The following PTPRT variants were observed in gnomAD, a reference collection of about 807,000 sequenced individuals.
The protein encoded by PTPRT is receptor-type tyrosine-protein phosphatase T.
PTPRT carries 56 observed loss-of-function variants against 176.8 expected under a neutral mutation model. That is an observed-to-expected ratio of 0.32 (90% confidence interval 0.26 to 0.40). The LOEUF is 0.40. PTPRT is among the 10% of genes least tolerant of loss of function. The pLI, the probability that PTPRT is intolerant of heterozygous loss-of-function variation, is 1.00. For missense variants in PTPRT, 1,540 were observed against 1,908.2 expected (o/e 0.81, Z 3.60); for synonymous variants, 783 against 739.0 (o/e 1.06, Z -0.96).
At chr20:42,388,948 A>G (rs1374943282) in intron 9 of PTPRT, among the ~76,000 whole-genome samples, 1 of 152,230 alleles carries the variant, frequency 6.6e-6, no homozygotes, top group African/African-American at 2.4e-5. Context: ...ATGCAGCCAT[A>G]AGAAATGATG....
At chr20:42,738,132 T>C (rs1456045020) in intron 6 of PTPRT, among the ~76,000 whole-genome samples, 2 of 152,174 alleles carry the variant, frequency 1.3e-5, no homozygotes, top group East Asian at 3.9e-4. Context: ...TGAATACAAG[T>C]CATCCTGTGA....
At chr20:42,368,035 C>T (rs2058538848) in intron 9 of PTPRT, among the ~76,000 whole-genome samples, 1 of 152,110 alleles carries the variant, frequency 6.6e-6, no homozygotes, top group African/African-American at 2.4e-5. Flanking sequence ...GTGCTGCGGA[C>T]CTGAGAGGAC....
chr20:42,812,007 T>C lies in PTPRT; in HGVS notation c.215-20541A>G, dbSNP rs147066772. ...TATGCTTTCTTTCCCTCAAATCTTT[T>C]AGATAACCATTCTTTCATCTTTGAC... On this transcript the variant is annotated intron_variant, in intron 2 of 30. Coordinates refer to ENST00000373187, the MANE Select transcript of PTPRT (RefSeq NM_007050.6). 1.6e-3 allele frequency among the ~76,000 whole-genome samples: 247 copies of C among 152,240 alleles called. 1 individual carries two copies. The highest frequency in any genetic ancestry group is 2.0e-3 in the Non-Finnish European group (135 of 67,988).
intron 8 of PTPRT, among the ~76,000 whole-genome samples, chr20:42,469,119 C>A (rs139099379): frequency 6.6e-5 from 10 of 151,894 alleles, no homozygotes; most frequent in African/African-American, 2.4e-4. Flanking sequence ...AAATATAGTA[C>A]CTTATAACAT....
intron 1 of PTPRT, among the ~76,000 whole-genome samples, chr20:43,133,494 C>A (rs996606983): frequency 3.3e-5 from 5 of 152,110 alleles, no homozygotes; most frequent in African/African-American, 2.4e-5. Context: ...GCCTGTAATC[C>A]CAGCATTTTG....
intron 12 of PTPRT, among the ~76,000 whole-genome samples, chr20:42,307,733 G>A (rs1363436056): frequency 6.6e-6 from 1 of 152,136 alleles, no homozygotes. Flanking sequence ...TTGAACCAGA[G>A]CAACTCCATC....
Position 42,338,882 on chromosome 20 carries a change from T to C in PTPRT, c.1865+11746A>G, listed in dbSNP as rs6102784. Among the ~76,000 whole-genome samples, 1,381 of 152,240 alleles carry C rather than the reference T, an allele frequency of 9.1e-3. 19 individuals are homozygous for C. Among genetic ancestry groups the C allele is most frequent in the African/African-American group, 0.032 (1,322 of 41,536 alleles). On this transcript the variant is annotated intron_variant, in intron 11 of 30. Coordinates refer to ENST00000373187, the MANE Select transcript of PTPRT (RefSeq NM_007050.6). ...ACTGTCTGAAGGTTAAAAACCTTCA[T>C]TTTTTCTCTCTTCTTCCTGCTCTCC...
At chr20:42,373,411 G>T (rs199770617) in intron 9 of PTPRT, among the ~76,000 whole-genome samples, 3 of 152,136 alleles carry the variant, frequency 2.0e-5, no homozygotes, top group African/African-American at 4.8e-5. Context: ...TAAATATTTA[G>T]ATTTTTTATT....
chr20:42,622,372 G>A (rs1480497286), intron 7 of PTPRT, among the ~76,000 whole-genome samples: 1 of 152,000 alleles, frequency 6.6e-6, no homozygotes, highest in Non-Finnish European at 1.5e-5. Flanking sequence ...CTCCCGAGTA[G>A]CTGGGACTAC....
At chr20:42,818,735 C>T (rs898591650) in intron 2 of PTPRT, among the ~76,000 whole-genome samples, 1 of 152,108 alleles carries the variant, frequency 6.6e-6, no homozygotes, top group Non-Finnish European at 1.5e-5. Context: ...AAACACAGCA[C>T]GAGAACTTTG....
At chr20:42,515,014 AGAACTCTC>A (rs1161257531) in intron 7 of PTPRT, among the ~76,000 whole-genome samples, 1 of 152,208 alleles carries the variant, frequency 6.6e-6, no homozygotes. Context: ...TAAAAATCAG[AGAACTCTC>A]TTGTCAAGTT....
intron 1 of PTPRT, among the ~76,000 whole-genome samples, chr20:43,057,476 A>G (rs1041641777): frequency 6.6e-6 from 1 of 152,032 alleles, no homozygotes; most frequent in Non-Finnish European, 1.5e-5. Flanking sequence ...GAAAAAGGAA[A>G]AGGGAATGAA....
chr20:42,762,002 T>C (rs1211596704), intron 5 of PTPRT, among the ~76,000 whole-genome samples: 1 of 152,164 alleles, frequency 6.6e-6, no homozygotes, highest in East Asian at 1.9e-4. Context: ...TCAAAGAATA[T>C]CTAATGATAA....
chr20:42,664,679 G>C (rs1394487274), intron 7 of PTPRT, among the ~76,000 whole-genome samples: 2 of 152,002 alleles, frequency 1.3e-5, no homozygotes, highest in African/African-American at 4.8e-5. Context: ...ATGTTGCCCA[G>C]GCTGGTCTTG....
chr20:42,181,519 C>T (rs1990525587), intron 16 of PTPRT, among the ~76,000 whole-genome samples: 1 of 152,182 alleles, frequency 6.6e-6, no homozygotes, highest in Non-Finnish European at 1.5e-5. Flanking sequence ...CCTTGTCCTC[C>T]TCCCTCAACC....
At chr20:42,594,886 G>A (rs2145770324) in intron 7 of PTPRT, among the ~76,000 whole-genome samples, 1 of 152,268 alleles carries the variant, frequency 6.6e-6, no homozygotes, top group Non-Finnish European at 1.5e-5. Context: ...GTGGTACTGT[G>A]GGTTGGTGTA....
intron 16 of PTPRT, among the ~76,000 whole-genome samples, chr20:42,172,233 G>C (rs954955591): frequency 6.6e-6 from 1 of 151,976 alleles, no homozygotes; most frequent in Non-Finnish European, 1.5e-5. Context: ...GAACAGACAT[G>C]GAACATAACA....
intron 1 of PTPRT, among the ~76,000 whole-genome samples, chr20:43,091,165 G>A (rs888064113): frequency 9.9e-5 from 15 of 152,118 alleles, no homozygotes; most frequent in South Asian, 2.1e-4. Context: ...CCTGAAAAGC[G>A]GAGGTTGCAG....
chr20:42,106,677 A>G (rs1986473365), intron 24 of PTPRT, 109 bp downstream of exon 24: 2 of 1,414,526 alleles, frequency 1.4e-6, no homozygotes, highest in African/African-American at 1.4e-5. Context: ...TCTCACACCC[A>G]GGTCCTTTCC....
Sources: gnomAD v4.1 joint callset for allele counts (sites outside exome capture counted in the v4.1 genomes callset) on GRCh38, gnomAD v4.1.1 for gene constraint, MANE v1.5 for transcripts, NCBI Gene and HGNC (gene_info 2026-07-23, HGNC 2026-07-21) for gene names.